SFXN4: variants seen among roughly 807,000 people sequenced by gnomAD.
SFXN4 encodes the protein sideroflexin 4, also known as sideroflexin-4.
Under a neutral mutation model 54.6 loss-of-function variants are expected in SFXN4, and 48 were observed. The observed-to-expected ratio is 0.88, with a 90% CI of 0.70 to 1.12. The LOEUF (loss-of-function observed/expected upper bound fraction) is 1.12. SFXN4 is among the 50% of genes most tolerant of loss of function. SFXN4 has a pLI of 0.00. For missense variants in SFXN4, 383 were observed against 409.2 expected, an observed-to-expected ratio of 0.94 and a Z score of 0.55; for synonymous variants, 130 against 145.5, an observed-to-expected ratio of 0.89 and a Z score of 0.77.
Position 119,157,922 on chromosome 10 carries a change from G to A in SFXN4, c.420C>T (p.Phe140=). ...GIKSVILPQV[F]LCAYMAAFNS... is the part of the protein sequence containing the mutation. Reference sequence around the variant, plus strand: ...TGAACGCTGCCATGTAGGCACAGAGGAAAACCTGCCGAGAGGGGCAAATGG... The same window carrying A: ...TGAACGCTGCCATGTAGGCACAGAGAAAAACCTGCCGAGAGGGGCAAATGG... Residue 140 remains phenylalanine, a synonymous_variant, in exon 8 of 14, where the codon TTC becomes TTT. Coordinates refer to ENST00000355697, the MANE Select transcript of SFXN4 (RefSeq NM_213649.2). 1 of 1,614,212 alleles carries A rather than the reference G, an allele frequency of 6.2e-7. No individual in the cohort carries two copies.
chr10:119,156,268 C>CA (rs1291584076), intron 10 of SFXN4, among the ~76,000 whole-genome samples: 1 of 151,912 alleles, frequency 6.6e-6, no homozygotes, highest in Non-Finnish European at 1.5e-5. Flanking sequence ...ACTAAAAATA[C>CA]AAAAAAACAA....
At chr10:119,159,545 G>A (rs1236866544) in intron 6 of SFXN4, among the ~76,000 whole-genome samples, 183 bp downstream of exon 6, 1 of 152,062 alleles carries the variant, frequency 6.6e-6, no homozygotes, top group Non-Finnish European at 1.5e-5. Context: ...TGTGGGGAGG[G>A]GGAGGGAGTG....
At position 119,158,007 on chromosome 10, in the gene SFXN4, A is replaced by G. The variant is rs141880671; in HGVS notation, c.414+2T>C. The G allele has an allele frequency of 6.2e-7, 1 of 1,614,122 alleles. No homozygotes were observed. Among genetic ancestry groups the G allele is most frequent in the Non-Finnish European group, 8.5e-7 (1 of 1,179,932 alleles). ...TAATCGTGAAACAGGAAGAATGGCT[A>G]CCTGAGGTAAAATCACGGACTTGAT... is the stretch of plus-strand genomic sequence containing the variant. On this transcript the variant is annotated splice_donor_variant, in intron 7 of 13. Transcript: ENST00000355697. LOFTEE classifies it high-confidence loss of function.
chr10:119,151,084 C>T (rs1445017027), intron 11 of SFXN4, among the ~76,000 whole-genome samples: 3 of 152,172 alleles, frequency 2.0e-5, no homozygotes, highest in Non-Finnish European at 4.4e-5. Context: ...AAAAGCAAGT[C>T]AGTGGCCAGG....
Position 119,148,584 on chromosome 10 carries a change from C to G in SFXN4, c.733-724G>C, listed in dbSNP as rs541396882. On this transcript the variant is annotated intron_variant, in intron 11 of 13. Transcript: ENST00000355697. ...ACTCTCATACCTGCCATTGGGGAAG[C>G]CTCCAAATGCCCAGCTCTGAGGGCA... 3.9e-5 allele frequency among the ~76,000 whole-genome samples: 6 copies of G among 152,262 alleles called. No individual in the cohort carries two copies. In the South Asian group the frequency reaches 8.3e-4, roughly 21 times the overall value.
chr10:119,151,197 G>A (rs1297833049), intron 11 of SFXN4, among the ~76,000 whole-genome samples: 2 of 152,152 alleles, frequency 1.3e-5, no homozygotes, highest in African/African-American at 2.4e-5. Flanking sequence ...GTGAAACCCC[G>A]TCTCTACTAA....
intron 13 of SFXN4, among the ~76,000 whole-genome samples, chr10:119,144,193 A>C (rs1212715546): frequency 2.0e-5 from 3 of 152,220 alleles, no homozygotes; most frequent in Non-Finnish European, 4.4e-5. Flanking sequence ...GTGGTGGCTC[A>C]CGCCTGTAAT....
In SFXN4 at chr10:119,165,546, G is replaced by C. The variant is rs1040517522; in HGVS notation, c.102C>G (p.Thr34=). ...CGGGCCCGGGCCGTACTTGGCGCTC[G>C]GTGATCCAGAAGCGCACGTTGGGCT... The part of the protein sequence containing the change: ...FIEPNVRFWI[T]ERQSFIRRFL... Residue 34 remains threonine (T), a synonymous_variant, in exon 1 of 14, where the codon ACC becomes ACG. Transcript: ENST00000355697. 1 of 1,584,618 alleles carries C rather than the reference G, an allele frequency of 6.3e-7. No homozygotes were observed. Among genetic ancestry groups the C allele is most frequent in the Admixed American group, 1.7e-5 (1 of 57,584 alleles).
At chr10:119,141,649 T>A (rs974742189) in intron 13 of SFXN4, among the ~76,000 whole-genome samples, 4 of 152,048 alleles carry the variant, frequency 2.6e-5, no homozygotes, top group Non-Finnish European at 5.9e-5. Flanking sequence ...TAGCTGGGAT[T>A]GGGATTACAG....
intron 13 of SFXN4, among the ~76,000 whole-genome samples, chr10:119,143,109 C>T (rs371315153): frequency 2.0e-5 from 3 of 152,004 alleles, no homozygotes; most frequent in African/African-American, 7.2e-5. Flanking sequence ...CCTTTCCTGC[C>T]TCCACTCTGG....
rs1847225049 is a variant in SFXN4, at chr10:119,155,056, T to C, written c.732+6A>G. On this transcript the variant is annotated splice_donor_region_variant and intron_variant, in intron 11 of 13. Transcript: ENST00000355697. Reference sequence around the variant, plus strand: ...CAAGCAGCTATAGCTTCATCCTGTCTCTTACCTTTGTCCCAGCAATTCTGG... The same window carrying C: ...CAAGCAGCTATAGCTTCATCCTGTCCCTTACCTTTGTCCCAGCAATTCTGG... 1 of 1,605,886 alleles carries C rather than the reference T, an allele frequency of 6.2e-7. No individual in the cohort carries two copies. The highest frequency in any genetic ancestry group is 1.1e-5 in the South Asian group (1 of 90,900).
rs146170924 is a variant in SFXN4 at position 119,150,925 on chromosome 10, G to A, written c.733-3065C>T. Among the ~76,000 whole-genome samples, 15 of 152,242 alleles carry A rather than the reference G, an allele frequency of 9.9e-5. 1 individual carries two copies. The highest frequency in any genetic ancestry group is 5.9e-4 in the Admixed American group (9 of 15,296). ...AGCAAAATGCGGCACATCCAGGAAC[G>A]GAATACTACTCAGCAATGAAAAGTA... On this transcript the variant is annotated intron_variant, in intron 11 of 13. Coordinates refer to ENST00000355697, the MANE Select transcript of SFXN4 (RefSeq NM_213649.2).
chr10:119,145,700 T>C (rs1846763534), intron 13 of SFXN4, among the ~76,000 whole-genome samples: 1 of 152,214 alleles, frequency 6.6e-6, no homozygotes, highest in Non-Finnish European at 1.5e-5. Context: ...TGACTTTTTA[T>C]GGTATTGGTA....
At chr10:119,157,846 ACT>A (rs751244604) in intron 8 of SFXN4, 23 bp downstream of exon 8, 4 of 1,613,104 alleles carry the variant, frequency 2.5e-6, no homozygotes, top group Non-Finnish European at 1.7e-6. Context: ...AAAACCCCAC[ACT>A]CTCTGGGTCT....
intron 10 of SFXN4, among the ~76,000 whole-genome samples, chr10:119,156,114 T>C (rs1847269564): frequency 6.6e-6 from 1 of 152,130 alleles, no homozygotes; most frequent in African/African-American, 2.4e-5. Context: ...AAGTAGAACG[T>C]TTACACAGAT....
chr10:119,165,326 G>C, intron 1 of SFXN4: 1 of 1,287,130 alleles, frequency 7.8e-7, no homozygotes, highest in Non-Finnish European at 9.9e-7. Context: ...TTGTGGTCGT[G>C]GGCATCTGGC....
rs537859348 is a variant in SFXN4, at chr10:119,140,963, T to C, written c.*279A>G. The stretch of plus-strand genomic sequence containing the variant: ...GACAGGTTTATTAGTTAATTAGTGA[T>C]TTCACAGTATCCTTTCGCAGGCCGA... On this transcript the variant is annotated 3_prime_UTR_variant, in exon 14 of 14. Transcript: ENST00000355697. 3.0e-6 allele frequency: 1 copy of C among 330,906 alleles called. No homozygotes were observed. Among genetic ancestry groups the C allele is most frequent in the East Asian group, 5.5e-5 (1 of 18,158 alleles). The allele number at this position is 330,906 out of a possible 1,614,324, so 20.5% of individuals were successfully genotyped here.
chr10:119,146,142 T>C, intron 13 of SFXN4, 94 bp downstream of exon 13: 1 of 747,322 alleles, frequency 1.3e-6, no homozygotes, highest in Non-Finnish European at 2.3e-6. Context: ...TATATTTTTA[T>C]AAACTTTGCA....
chr10:119,165,686 C>A lies in SFXN4; in HGVS notation c.-39G>T, dbSNP rs768790900. On this transcript the variant is annotated 5_prime_UTR_variant, in exon 1 of 14. Transcript: ENST00000355697. ...GAGTGGCCGCCGCCGCCAGGCCGCGCGTGGAGGAGGAGCCGGGCGGCGAGC... is the reference window on the plus strand; with the variant it reads ...GAGTGGCCGCCGCCGCCAGGCCGCGAGTGGAGGAGGAGCCGGGCGGCGAGC... 15 of 1,481,596 alleles carry A rather than the reference C, an allele frequency of 1.0e-5. No homozygotes were observed. In the South Asian group the frequency reaches 1.8e-4, roughly 18 times the overall value. The allele number at this position is 1,481,596 out of a possible 1,614,324, so 91.8% of individuals were successfully genotyped here. A position where few individuals can be genotyped will look rare whatever the true frequency, so the allele number is the denominator to read the frequency against.
Sources: gnomAD v4.1 joint callset for allele counts (sites outside exome capture counted in the v4.1 genomes callset) on GRCh38, gnomAD v4.1.1 for gene constraint, MANE v1.5 for transcripts, NCBI Gene and HGNC (gene_info 2026-07-23, HGNC 2026-07-21) for gene names.